Variants in TCF7L2 observed in about 807,000 individuals in gnomAD.
The protein encoded by TCF7L2 is transcription factor 7-like 2.
TCF7L2 carries 23 observed loss-of-function variants against 77.9 expected under a neutral mutation model. The observed-to-expected ratio is 0.30, with a 90% CI of 0.21 to 0.42. The LOEUF (loss-of-function observed/expected upper bound fraction) is 0.42, where lower values mean the gene tolerates loss of function less well. Among genes scored for constraint, TCF7L2 ranks in the 10% least tolerant of loss-of-function variants. The pLI is 1.00. For synonymous variants in TCF7L2, 413 were observed against 340.2 expected (o/e 1.21, Z -2.36); for missense variants, 654 against 793.1 (o/e 0.82, Z 2.11).
At chr10:113,104,376 A>G (rs954314354) in intron 5 of TCF7L2, among the ~76,000 whole-genome samples, 1 of 152,202 alleles carries the variant, frequency 6.6e-6, no homozygotes, top group South Asian at 2.1e-4. Context: ...TATTCTTCTC[A>G]TAGCCAGAGG....
rs1415026801 is a variant in TCF7L2 at position 112,964,584 on chromosome 10, A to T, written c.410A>T (p.Tyr137Phe). The change falls in exon 4 of 14, where the codon TAC becomes TTC. Residue 137 changes from tyrosine (Y) to phenylalanine (F), a missense_variant. Coordinates refer to ENST00000627217, the MANE Select transcript of TCF7L2 (RefSeq NM_001146274.2). The stretch of plus-strand genomic sequence containing the variant: ...CATTTTCAGTCCGGCAGCACACATT[A>T]CTCTGCGTACAAAACGATTGAACAC... 1 of 1,613,444 alleles carries T rather than the reference A, an allele frequency of 6.2e-7. No homozygotes were observed. The highest frequency in any genetic ancestry group is 1.7e-5 in the Admixed American group (1 of 59,994).
At chr10:113,008,544 C>A (rs1304444175) in intron 4 of TCF7L2, among the ~76,000 whole-genome samples, 1 of 152,220 alleles carries the variant, frequency 6.6e-6, no homozygotes, top group Non-Finnish European at 1.5e-5. Flanking sequence ...TAACTGTATA[C>A]TACCTGTGCT....
chr10:113,094,952 C>G (rs1053217616), intron 5 of TCF7L2, among the ~76,000 whole-genome samples: 1 of 152,070 alleles, frequency 6.6e-6, no homozygotes, highest in African/African-American at 2.4e-5. Flanking sequence ...AACACTGTCT[C>G]TACTAAAAAA....
chr10:113,070,868 C>G (rs1418271418), intron 5 of TCF7L2, among the ~76,000 whole-genome samples: 1 of 152,184 alleles, frequency 6.6e-6, no homozygotes, highest in East Asian at 1.9e-4. Context: ...GTGCGAGCAT[C>G]GTCACAGTCA....
At chr10:112,999,126 C>T (rs1159402100) in intron 4 of TCF7L2, among the ~76,000 whole-genome samples, 1 of 152,232 alleles carries the variant, frequency 6.6e-6, no homozygotes, top group Non-Finnish European at 1.5e-5. Flanking sequence ...AAATGATCCT[C>T]CTGCCTCAGC....
At chr10:113,011,896 A>T (rs898982347) in intron 4 of TCF7L2, among the ~76,000 whole-genome samples, 1 of 151,656 alleles carries the variant, frequency 6.6e-6, no homozygotes, top group Non-Finnish European at 1.5e-5. Context: ...GTTGAGCATT[A>T]CTACCTTGAG....
chr10:113,049,411 A>G (rs1416255458), intron 5 of TCF7L2, among the ~76,000 whole-genome samples: 1 of 151,912 alleles, frequency 6.6e-6, no homozygotes, highest in Non-Finnish European at 1.5e-5. Flanking sequence ...CTTTTCTTTC[A>G]TACCCCACAT....
intron 5 of TCF7L2, among the ~76,000 whole-genome samples, chr10:113,072,223 T>G (rs1046958203): frequency 6.6e-6 from 1 of 151,734 alleles, no homozygotes; most frequent in African/African-American, 2.4e-5. Context: ...GCCCGACTAA[T>G]TTTTTGTATT....
intron 3 of TCF7L2, among the ~76,000 whole-genome samples, chr10:112,964,061 A>G (rs2035936799): frequency 6.6e-6 from 1 of 152,182 alleles, no homozygotes; most frequent in Admixed American, 6.5e-5. Flanking sequence ...ATAGAATTGC[A>G]TTGGAGAGTT....
intron 5 of TCF7L2, among the ~76,000 whole-genome samples, chr10:113,119,667 G>A (rs139453883): frequency 9.0e-6 from 1 of 111,386 alleles, no homozygotes; most frequent in African/African-American, 3.1e-5. Context: ...TGTCCCTTAA[G>A]GTGTTTTTTT....
chr10:113,048,800 C>T (rs1419348339), intron 5 of TCF7L2, among the ~76,000 whole-genome samples: 1 of 152,210 alleles, frequency 6.6e-6, no homozygotes, highest in Non-Finnish European at 1.5e-5. Flanking sequence ...TGGGATGGGG[C>T]CACTGGCTCT....
rs3814571 is a variant in TCF7L2, at chr10:113,071,428, C to T, written c.552+31302C>T. 1.6e-3 allele frequency among the ~76,000 whole-genome samples: 241 copies of T among 152,114 alleles called. 3 individuals are homozygous for T. In the East Asian group the frequency reaches 0.038, roughly 24 times the overall value. ...AGCTTGAGAGTCTGTCTCTGAGATC[C>T]CAGAACAGACATGAAGATATGGTAC... On this transcript the variant is annotated intron_variant, in intron 5 of 13. Coordinates refer to ENST00000627217, the MANE Select transcript of TCF7L2 (RefSeq NM_001146274.2).
intron 4 of TCF7L2, among the ~76,000 whole-genome samples, chr10:112,966,515 G>A (rs923078806): frequency 6.6e-6 from 1 of 152,050 alleles, no homozygotes; most frequent in South Asian, 2.1e-4. Context: ...CTTGGTGAAC[G>A]GGTGGATGTA....
At position 113,126,992 on chromosome 10, in the gene TCF7L2, C is replaced by G. The variant is rs942199518; in HGVS notation, c.553-14192C>G. The G allele has an allele frequency of 7.6e-6, 7 of 921,634 alleles. No individual in the cohort carries two copies. The African/African-American group carries it at 1.1e-4, about 14-fold the overall frequency. The allele number at this position is 921,634 out of a possible 1,614,324, so 57.1% of individuals were successfully genotyped here. ...CGGCTGTCCAGTCCGCATGCATGCT[C>G]TCAGCCTTTGCCATGTTCGCTGTCA... On this transcript the variant is annotated intron_variant, in intron 5 of 13. Transcript: ENST00000627217.
At position 113,165,696 on chromosome 10, in the gene TCF7L2, T is replaced by C. The variant is rs1269591568; in HGVS notation, c.1533T>C (p.Thr511=). ...CTCCCCGAGACGCCAAGTCACAGAC[T>C]GAGCAGACCCAGCCTCTGTCGCTGT... Residue 511 remains threonine (T), a synonymous_variant, in exon 14 of 14, where the codon ACT becomes ACC. Coordinates refer to ENST00000627217, the MANE Select transcript of TCF7L2 (RefSeq NM_001146274.2). The C allele has an allele frequency of 1.4e-6, 2 of 1,403,990 alleles. No individual in the cohort carries two copies. The highest frequency in any genetic ancestry group is 2.0e-4 in the Middle Eastern group (1 of 4,994). The allele number at this position is 1,403,990 out of a possible 1,614,324, so 87.0% of individuals were successfully genotyped here.
chr10:113,018,547 A>G (rs1370404637), intron 4 of TCF7L2, among the ~76,000 whole-genome samples: 1 of 148,562 alleles, frequency 6.7e-6, no homozygotes, highest in Non-Finnish European at 1.5e-5. Context: ...TCCCAGGTTC[A>G]AGCAATCTAC....
chr10:113,011,345 G>C (rs2046412453), intron 4 of TCF7L2, among the ~76,000 whole-genome samples: 1 of 150,980 alleles, frequency 6.6e-6, no homozygotes. Flanking sequence ...GGTGGTAGTG[G>C]GGGGTTTCCA....
Position 113,015,952 on chromosome 10 carries a change from A to G in TCF7L2, c.451-24073A>G, listed in dbSNP as rs143481085. ...CTTACCTGGCAAGGTTGCGGCTGCC[A>G]TTCCTTGGGGTCTGGGGTTAAGACC... On this transcript the variant is annotated intron_variant, in intron 4 of 13. Transcript: ENST00000627217. Among the ~76,000 whole-genome samples, 961 of 152,296 alleles carry G rather than the reference A, an allele frequency of 6.3e-3. 9 individuals are homozygous for G. Among genetic ancestry groups the G allele is most frequent in the African/African-American group, 0.021 (886 of 41,566 alleles).
chr10:113,101,872 C>T (rs996268362), intron 5 of TCF7L2, among the ~76,000 whole-genome samples: 9 of 124,326 alleles, frequency 7.2e-5, no homozygotes, highest in African/African-American at 2.8e-4. Context: ...GGTGTGGTGG[C>T]TCATGCCTAT....
Sources: allele counts gnomAD v4.1 joint callset (sites outside exome capture counted in the v4.1 genomes callset), GRCh38; gene constraint gnomAD v4.1.1; transcripts MANE v1.5; gene names NCBI Gene and HGNC (gene_info 2026-07-23, HGNC 2026-07-21).